PRELID2: variants seen among roughly 807,000 people sequenced by gnomAD.
PRELID2 encodes the protein PRELI domain-containing protein 2.
In PRELID2, 25 loss-of-function variants were observed where a neutral mutation model predicts 28.4. The ratio of observed to expected loss-of-function variants is 0.88; its 90% CI spans 0.64 to 1.23. The LOEUF is 1.23. PRELID2 is among the 50% of genes most tolerant of loss of function. The pLI is 0.00. For synonymous variants in PRELID2, 76 were observed against 71.6 expected (o/e 1.06, Z -0.31); for missense variants, 201 against 214.4 (o/e 0.94, Z 0.39).
At chr5:145,686,454 T>A (rs1464148842) in intron 1 of PRELID2, among the ~76,000 whole-genome samples, 2 of 151,946 alleles carry the variant, frequency 1.3e-5, no homozygotes, top group Non-Finnish European at 2.9e-5. Flanking sequence ...AGCAACAAGA[T>A]CTAAACAGGG....
rs150153240 is a variant in PRELID2 at position 145,657,542 on chromosome 5, G to A, written n.70+107389C>T. ...TCACTTAAAATGCAAAAAATTAGCC[G>A]GGCGTGGTGGCACGCACCTGTGGTC... On this transcript the variant is annotated intron_variant and non_coding_transcript_variant, in intron 1 of 2. Coordinates refer to the PRELID2 transcript ENST00000510259. 5.7e-4 allele frequency among the ~76,000 whole-genome samples: 87 copies of A among 152,182 alleles called. No homozygotes were observed. The East Asian group carries it at 0.01, about 18-fold the overall frequency.
rs556908149 is a variant in PRELID2 at position 145,775,742 on chromosome 5, G to A, written c.475-10742C>T. The stretch of plus-strand genomic sequence containing the variant: ...ACAAAACCCACAGTGGGTGAATGAA[G>A]TACAAGGTTAGCCAGAGTGCTGTCA... On this transcript the variant is annotated intron_variant, in intron 5 of 6. Transcript: ENST00000683046. 3.9e-5 allele frequency among the ~76,000 whole-genome samples: 6 copies of A among 152,298 alleles called. No homozygotes were observed. The South Asian group carries it at 1.2e-3, about 32-fold the overall frequency.
At chr5:145,234,853 C>A in the PRELID2 span, among the ~76,000 whole-genome samples, 79 of 152,116 alleles carry the variant, frequency 5.2e-4, no homozygotes, top group Non-Finnish European at 8.7e-4. Flanking sequence ...ACAGCTGAGA[C>A]CTGAGGATGA....
chr5:145,464,916 C>T, the PRELID2 span, among the ~76,000 whole-genome samples: 96 of 152,132 alleles, frequency 6.3e-4, no homozygotes, highest in Admixed American at 1.4e-3. Flanking sequence ...CCTGACTTTG[C>T]CCTCTGGACC....
At chr5:145,659,807 T>C (rs1281099129) in intron 1 of PRELID2, among the ~76,000 whole-genome samples, 2 of 152,220 alleles carry the variant, frequency 1.3e-5, no homozygotes, top group Non-Finnish European at 2.9e-5. Context: ...ATGAATAGTG[T>C]AATACAACTT....
intron 1 of PRELID2, among the ~76,000 whole-genome samples, chr5:145,547,816 C>G (rs181033283): frequency 6.6e-6 from 1 of 152,262 alleles, no homozygotes; most frequent in Admixed American, 6.5e-5. Flanking sequence ...ATTAAAGGAA[C>G]CAGCCAGCTT....
chr5:145,425,090 T>G, the PRELID2 span, among the ~76,000 whole-genome samples: 11 of 150,594 alleles, frequency 7.3e-5, no homozygotes, highest in African/African-American at 2.7e-4. Flanking sequence ...CATTAAAAAG[T>G]AGGCAAAAGA....
intron 1 of PRELID2, among the ~76,000 whole-genome samples, chr5:145,552,672 C>T (rs570117406): frequency 2.0e-5 from 3 of 152,028 alleles, no homozygotes; most frequent in South Asian, 4.2e-4. Flanking sequence ...TTCCTGCCAC[C>T]GTTCTTTTTT....
chr5:145,819,785 T>C (rs1347414184), intron 3 of PRELID2, 160 bp downstream of exon 3: 7 of 629,710 alleles, frequency 1.1e-5, no homozygotes, highest in Non-Finnish European at 1.7e-5. Context: ...CTGCTAAAAG[T>C]GAGGTTGGAT....
chr5:145,596,782 A>T (rs2149634926), intron 1 of PRELID2, among the ~76,000 whole-genome samples: 1 of 152,314 alleles, frequency 6.6e-6, no homozygotes, highest in East Asian at 1.9e-4. Flanking sequence ...GATTCAAAGA[A>T]AATATATAGT....
the PRELID2 span, among the ~76,000 whole-genome samples, chr5:145,393,910 A>C: frequency 6.6e-6 from 1 of 152,194 alleles, no homozygotes; most frequent in Non-Finnish European, 1.5e-5. Flanking sequence ...GCAGACATAC[A>C]TTAAAAACCA....
the PRELID2 span, among the ~76,000 whole-genome samples, chr5:145,408,438 C>CATATATATGTATA: frequency 1.1e-4 from 16 of 141,942 alleles, no homozygotes; most frequent in Non-Finnish European, 1.8e-4. Flanking sequence ...ATATGTATAA[C>CATATATATGTATA]ATATATATGT....
intron 4 of PRELID2, among the ~76,000 whole-genome samples, chr5:145,799,060 C>T (rs1752958406): frequency 6.7e-6 from 1 of 148,374 alleles, no homozygotes; most frequent in Non-Finnish European, 1.5e-5. Flanking sequence ...CACACCAAGA[C>T]ACATTATAGT....
intron 1 of PRELID2, among the ~76,000 whole-genome samples, chr5:145,666,541 G>C (rs1754598581): frequency 6.6e-6 from 1 of 152,006 alleles, no homozygotes; most frequent in African/African-American, 2.4e-5. Flanking sequence ...GAGTTTATTT[G>C]CATCTTTTCC....
intron 1 of PRELID2, among the ~76,000 whole-genome samples, chr5:145,734,082 C>T (rs1433683074): frequency 1.3e-5 from 2 of 152,164 alleles, no homozygotes; most frequent in African/African-American, 2.4e-5. Flanking sequence ...TCCCTTAGAG[C>T]TTCTGGAAGA....
chr5:145,250,121 A>G, the PRELID2 span, among the ~76,000 whole-genome samples: 3,873 of 152,234 alleles, frequency 0.025, 154 homozygotes, highest in African/African-American at 0.088. Context: ...ATTATTGGAT[A>G]AGGTTTTGTG....
intron 1 of PRELID2, among the ~76,000 whole-genome samples, chr5:145,540,146 G>A (rs1393467773): frequency 1.3e-5 from 2 of 151,834 alleles, no homozygotes. Flanking sequence ...CTGTTTGTAT[G>A]TATTCTATTT....
chr5:145,275,593 G>C, the PRELID2 span, among the ~76,000 whole-genome samples: 1 of 152,178 alleles, frequency 6.6e-6, no homozygotes, highest in East Asian at 1.9e-4. Flanking sequence ...TGTGCAATGA[G>C]TATGGAGCCA....
chr5:145,394,024 G>A, the PRELID2 span, among the ~76,000 whole-genome samples: 238 of 152,220 alleles, frequency 1.6e-3, no homozygotes, highest in Non-Finnish European at 2.6e-3. Context: ...TCAGTGTGGC[G>A]ATTCCTCAGG....
Sources: allele counts gnomAD v4.1 joint callset (sites outside exome capture counted in the v4.1 genomes callset), GRCh38; gene constraint gnomAD v4.1.1; transcripts MANE v1.5; gene names NCBI Gene and HGNC (gene_info 2026-07-23, HGNC 2026-07-21).